CPQ: variants seen among roughly 807,000 people sequenced by gnomAD.
CPQ encodes the protein carboxypeptidase Q.
CPQ carries 37 observed loss-of-function variants against 45.7 expected under a neutral mutation model. That is an observed-to-expected ratio of 0.81 (90% CI 0.62 to 1.07). The LOEUF is 1.07. CPQ is among the 50% of genes least tolerant of loss of function. The pLI, the probability that CPQ is intolerant of heterozygous loss-of-function variation, is 0.00. For synonymous variants in CPQ, 186 were observed against 205.8 expected (o/e 0.90, Z 0.82); for missense variants, 537 against 572.9 (o/e 0.94, Z 0.64).
chr8:96,816,307 A>G (rs1811228203), intron 2 of CPQ, among the ~76,000 whole-genome samples: 1 of 152,176 alleles, frequency 6.6e-6, no homozygotes, highest in South Asian at 2.1e-4. Context: ...ATCCATAAAA[A>G]GCAACTCCTC....
rs560975005 is a variant in CPQ at position 97,045,440 on chromosome 8, C to T, written c.1053+15946C>T. ...GAACTCCCTGACCCCTTGTGCTTCCCGAGTGAGGCAATGCCTCGCCCTCCT... is the reference window on the plus strand; with the variant it reads ...GAACTCCCTGACCCCTTGTGCTTCCTGAGTGAGGCAATGCCTCGCCCTCCT... On this transcript the variant is annotated intron_variant, in intron 6 of 7. Transcript: ENST00000220763. Among the ~76,000 whole-genome samples, 33 of 152,306 alleles carry T rather than the reference C, an allele frequency of 2.2e-4. 1 individual carries two copies. In the East Asian group the frequency reaches 5.2e-3, roughly 24 times the overall value.
chr8:96,903,173 T>C (rs1041328431), intron 4 of CPQ, among the ~76,000 whole-genome samples: 2 of 152,236 alleles, frequency 1.3e-5, no homozygotes, highest in African/African-American at 4.8e-5. Flanking sequence ...TTGGCGTTGC[T>C]TGGCATCTTT....
At chr8:97,054,052 T>C (rs1039687164) in intron 6 of CPQ, among the ~76,000 whole-genome samples, 1 of 152,044 alleles carries the variant, frequency 6.6e-6, no homozygotes, top group Non-Finnish European at 1.5e-5. Context: ...CCTGTTAAGT[T>C]TGAGATATCA....
chr8:96,882,166 C>CT (rs898873305), intron 4 of CPQ, among the ~76,000 whole-genome samples: 5 of 152,174 alleles, frequency 3.3e-5, no homozygotes, highest in African/African-American at 1.2e-4. Context: ...GCTCAGGACT[C>CT]TTTTCCCTCT....
chr8:96,873,691 CT>C (rs1018068567), intron 3 of CPQ, among the ~76,000 whole-genome samples: 3 of 151,526 alleles, frequency 2.0e-5, no homozygotes, highest in African/African-American at 7.3e-5. Context: ...ACTTCCAGAC[CT>C]TTTTTTAGGA....
rs1448126474 is a variant in CPQ at position 96,955,254 on chromosome 8, A to C, written c.850-10681A>C. ...TCCTCTTTCTCCACATCCTCTCCAG[A>C]ACCTGTTGTTTCCTGACTTTTTAAT... On this transcript the variant is annotated intron_variant, in intron 4 of 7. Transcript: ENST00000220763. 1.1e-4 allele frequency among the ~76,000 whole-genome samples: 16 copies of C among 152,162 alleles called. No homozygotes were observed. The East Asian group carries it at 1.9e-3, about 18-fold the overall frequency.
At chr8:96,858,503 A>G (rs1435124114) in intron 3 of CPQ, among the ~76,000 whole-genome samples, 1 of 152,170 alleles carries the variant, frequency 6.6e-6, no homozygotes, top group East Asian at 1.9e-4. Context: ...TACTAATGCA[A>G]AATTATATTA....
At chr8:97,031,042 G>GAA (rs1809892874) in intron 6 of CPQ, among the ~76,000 whole-genome samples, 1 of 152,086 alleles carries the variant, frequency 6.6e-6, no homozygotes, top group Admixed American at 6.5e-5. Flanking sequence ...GTAAACAAGA[G>GAA]CCTGAACAAG....
chr8:96,801,444 G>C (rs187092746), intron 2 of CPQ, among the ~76,000 whole-genome samples: 32 of 152,096 alleles, frequency 2.1e-4, no homozygotes, highest in African/African-American at 7.0e-4. Flanking sequence ...CATTCAATTA[G>C]ATTTTTGCTT....
At chr8:96,780,719 T>C (rs1187245623) in intron 1 of CPQ, among the ~76,000 whole-genome samples, 2 of 151,318 alleles carry the variant, frequency 1.3e-5, no homozygotes, top group African/African-American at 4.9e-5. Context: ...ACTTTTTTTT[T>C]TTTTTTTAGG....
At chr8:97,017,633 G>A (rs568186498) in intron 5 of CPQ, among the ~76,000 whole-genome samples, 4 of 152,108 alleles carry the variant, frequency 2.6e-5, no homozygotes, top group South Asian at 2.1e-4. Flanking sequence ...TGTGACTGCC[G>A]GCTTTCCCCT....
intron 1 of CPQ, among the ~76,000 whole-genome samples, chr8:96,655,309 T>C (rs1815626307): frequency 6.6e-6 from 1 of 152,188 alleles, no homozygotes; most frequent in South Asian, 2.1e-4. Context: ...TCAAATATTC[T>C]GTATTTAGCT....
rs368591006 is a variant in CPQ at position 96,879,752 on chromosome 8, G to A, written c.642-46G>A. The A allele has an allele frequency of 2.7e-6, 4 of 1,464,098 alleles. No homozygotes were observed. In the African/African-American group the frequency reaches 4.2e-5, roughly 15 times the overall value. The allele number at this position is 1,464,098 out of a possible 1,614,324, so 90.7% of individuals were successfully genotyped here. On this transcript the variant is annotated intron_variant, in intron 3 of 7. Transcript: ENST00000220763. Reference sequence around the variant, plus strand: ...ACAGGTGCTTTCAAAAAAGTCTTTTGGTCTATTTCCACTTTCAAGGTAACC... The same window carrying A: ...ACAGGTGCTTTCAAAAAAGTCTTTTAGTCTATTTCCACTTTCAAGGTAACC...
intron 3 of CPQ, among the ~76,000 whole-genome samples, chr8:96,873,578 T>C (rs1006392600): frequency 6.6e-6 from 1 of 151,716 alleles, no homozygotes; most frequent in African/African-American, 2.4e-5. Context: ...AAATAAGCTT[T>C]TCTATTAAGC....
chr8:96,647,463 A>C (rs1815531093), intron 1 of CPQ, among the ~76,000 whole-genome samples: 1 of 152,172 alleles, frequency 6.6e-6, no homozygotes, highest in South Asian at 2.1e-4. Flanking sequence ...TATATCTAAG[A>C]GCTAGATACT....
chr8:96,798,632 C>G (rs548756603), intron 2 of CPQ, among the ~76,000 whole-genome samples: 10 of 151,978 alleles, frequency 6.6e-5, no homozygotes, highest in Non-Finnish European at 1.5e-4. Context: ...CTCTGTCTAA[C>G]CTAACCCTAA....
Position 96,950,269 on chromosome 8 carries a change from T to G in CPQ, c.850-15666T>G, listed in dbSNP as rs573177342. Reference sequence around the variant, plus strand: ...AAGGTCAGGGGAATTAATGGGAAATTTGTTTTAATTATGCATTGATCACAA... The same window carrying G: ...AAGGTCAGGGGAATTAATGGGAAATGTGTTTTAATTATGCATTGATCACAA... On this transcript the variant is annotated intron_variant, in intron 4 of 7. Transcript: ENST00000220763. 2.6e-5 allele frequency among the ~76,000 whole-genome samples: 4 copies of G among 152,254 alleles called. No homozygotes were observed. The South Asian group carries it at 8.3e-4, about 31-fold the overall frequency.
In CPQ at chr8:97,036,560, G is replaced by A. The variant is rs796642666; in HGVS notation, c.1053+7066G>A. 2.0e-5 allele frequency among the ~76,000 whole-genome samples: 3 copies of A among 152,122 alleles called. No homozygotes were observed. The South Asian group carries it at 6.2e-4, about 31-fold the overall frequency. The stretch of plus-strand genomic sequence containing the variant: ...AGTGAATAAAGTGAGGGTTGTCCAG[G>A]TACCATTTGCCTAATCTGCTTTTCA... On this transcript the variant is annotated intron_variant, in intron 6 of 7. Coordinates refer to ENST00000220763, the MANE Select transcript of CPQ (RefSeq NM_016134.4).
intron 1 of CPQ, among the ~76,000 whole-genome samples, chr8:96,658,035 A>G (rs1483071226): frequency 1.3e-5 from 2 of 152,200 alleles, no homozygotes; most frequent in Non-Finnish European, 2.9e-5. Context: ...TGCCATATGT[A>G]TTGTATACCA....
Sources: gnomAD v4.1 joint callset for allele counts (sites outside exome capture counted in the v4.1 genomes callset) on GRCh38, gnomAD v4.1.1 for gene constraint, MANE v1.5 for transcripts, NCBI Gene and HGNC (gene_info 2026-07-23, HGNC 2026-07-21) for gene names.